The following MCCC1 variants were observed in gnomAD, a reference collection of about 807,000 sequenced individuals.
MCCC1 encodes the protein methylcrotonoyl-CoA carboxylase subunit alpha, mitochondrial.
Under a neutral mutation model 83.8 loss-of-function variants are expected in MCCC1, and 64 were observed. The observed-to-expected ratio is 0.76, with a 90% CI of 0.62 to 0.94. The LOEUF (loss-of-function observed/expected upper bound fraction) is 0.94, where lower values mean the gene tolerates loss of function less well. Among genes scored for constraint, MCCC1 ranks in the 40% least tolerant of loss-of-function variants. The pLI, the probability that MCCC1 is intolerant of heterozygous loss-of-function variation, is 0.00. For missense variants in MCCC1, 807 were observed against 904.7 expected, an observed-to-expected ratio of 0.89 and a Z score of 1.39; for synonymous variants, 322 against 315.4, an observed-to-expected ratio of 1.02 and a Z score of -0.22.
At position 183,098,983 on chromosome 3, in the gene MCCC1, C is replaced by A. The variant is rs1718942102; in HGVS notation, c.89+369G>T. ...AAGTCGTTGATCCCTTTGGGCTTCC[C>A]CGGAACCGGATTATAACAACGCTCC... On this transcript the variant is annotated intron_variant, in intron 1 of 18. Coordinates refer to ENST00000265594, the MANE Select transcript of MCCC1 (RefSeq NM_020166.5). 1.3e-5 allele frequency: 5 copies of A among 385,840 alleles called. No homozygotes were observed. The East Asian group carries it at 2.6e-4, about 20-fold the overall frequency. The allele number at this position is 385,840 out of a possible 1,614,324, so 23.9% of individuals were successfully genotyped here.
At chr3:183,030,674 G>A (rs376811136) in intron 14 of MCCC1, among the ~76,000 whole-genome samples, 10 of 152,270 alleles carry the variant, frequency 6.6e-5, no homozygotes, top group South Asian at 2.1e-4. Flanking sequence ...TCCAGGGCCC[G>A]CACTCTTGAC....
rs1028106435 is a variant in MCCC1 at position 183,027,071 on chromosome 3, TA to T, written c.1682-1268del. ...ACATTTTTGTAATTCTTACAATATT[TA>T]AAACTTTTAAATTATTATATCTGTG... On this transcript the variant is annotated intron_variant, in intron 14 of 18. Transcript: ENST00000265594. 5.9e-5 allele frequency among the ~76,000 whole-genome samples: 9 copies of T among 152,342 alleles called. No homozygotes were observed. In the South Asian group the frequency reaches 1.7e-3, roughly 28 times the overall value.
At chr3:183,103,697 G>A (rs1222223327), upstream of MCCC1, among the ~76,000 whole-genome samples, 2 of 152,236 alleles carry the variant, frequency 1.3e-5, no homozygotes, top group Admixed American at 1.3e-4. Flanking sequence ...AGTGGGTCCG[G>A]CACTGGGGCT....
At chr3:183,034,223 G>A in intron 13 of MCCC1, 146 bp from the exon 14 acceptor site, 1 of 618,350 alleles carries the variant, frequency 1.6e-6, no homozygotes, top group South Asian at 1.7e-5. Flanking sequence ...GGCCAAGGCG[G>A]GCGGATCATG....
intron 11 of MCCC1, among the ~76,000 whole-genome samples, chr3:183,041,073 T>C (rs2108477936): frequency 6.6e-6 from 1 of 152,352 alleles, no homozygotes; most frequent in Non-Finnish European, 1.5e-5. Context: ...TGCCTGTAAG[T>C]AGGAAGTCCT....
In MCCC1 at chr3:183,053,643, A is replaced by G. The variant is rs562333333; in HGVS notation, c.874-1403T>C. Among the ~76,000 whole-genome samples, 119 of 150,598 alleles carry G rather than the reference A, an allele frequency of 7.9e-4. No individual in the cohort carries two copies. In the Middle Eastern group the frequency reaches 0.017, roughly 22 times the overall value. On this transcript the variant is annotated intron_variant, in intron 8 of 18. Coordinates refer to ENST00000265594, the MANE Select transcript of MCCC1 (RefSeq NM_020166.5). ...AACATAGTGAAACCCCGTCTCTACT[A>G]AAAATACAAAAATTAGCCGGGTGTG...
In MCCC1 at chr3:183,037,336, GTGTTGAGGGA is replaced by G; in HGVS notation, c.1466_1475del (p.Ile489ThrfsTer31). ...TCCGACTGAGCAACAACTGTTTGTG[GTGTTGAGGGA>G]TGAAATCAGTGTGCACGTTCCCAGC... On this transcript the variant is annotated frameshift_variant, in exon 13 of 19. Transcript: ENST00000265594. LOFTEE classifies it high-confidence loss of function. The G allele has an allele frequency of 6.2e-7, 1 of 1,614,140 alleles. No homozygotes were observed. Among genetic ancestry groups the G allele is most frequent in the Non-Finnish European group, 8.5e-7 (1 of 1,180,036 alleles).
rs770485422 is a variant in MCCC1 at position 183,086,738 on chromosome 3, T to C, written c.324A>G (p.Leu108=). ...IGPAPSQQSY[L]SMEKIIQVAK... ...CCACTTGAATGATTTTCTCCATAGA[T>C]AGGTAGCTCTGCTGGGAGGGAGCGG... Residue 108 remains leucine (L), a synonymous_variant, in exon 4 of 19, where the codon CTA becomes CTG. Transcript: ENST00000265594. 1.2e-6 allele frequency: 2 copies of C among 1,614,170 alleles called. No individual in the cohort carries two copies. Among genetic ancestry groups the C allele is most frequent in the Middle Eastern group, 1.6e-4 (1 of 6,062 alleles).
At chr3:183,065,633 A>AT (rs35330892) in intron 7 of MCCC1, among the ~76,000 whole-genome samples, 135,934 of 151,916 alleles carry the variant, frequency 0.89, 61,201 homozygotes, top group East Asian at 1. Flanking sequence ...AGGAATGTGG[A>AT]TTTTTTTTGT....
intron 1 of MCCC1, among the ~76,000 whole-genome samples, chr3:183,113,434 A>C: frequency 1.5e-5 from 2 of 137,670 alleles, no homozygotes; most frequent in South Asian, 2.7e-4. Context: ...GGGAGGGGGG[A>C]CGGATAGCAT....
intron 1 of MCCC1, among the ~76,000 whole-genome samples, chr3:183,105,988 T>C (rs1577383937): frequency 2.0e-5 from 3 of 147,832 alleles, no homozygotes; most frequent in African/African-American, 7.4e-5. Flanking sequence ...ACTCAGGAGG[T>C]TGAAGCAGGA....
chr3:183,102,758 GTTTTTTTTTTTTTTTTTTTTTTTTTTT>G (rs566199257), upstream of MCCC1, among the ~76,000 whole-genome samples: 64 of 52,222 alleles, frequency 1.2e-3, no homozygotes, highest in East Asian at 3.8e-3. Flanking sequence ...AGCAGAGAAA[GTTTTTTTTTTTTTTTTTTTTTTTTTTT>G]TTTTTTTTTT....
At chr3:183,053,877 A>ATTTTT (rs1318142804) in intron 8 of MCCC1, among the ~76,000 whole-genome samples, 51 of 138,572 alleles carry the variant, frequency 3.7e-4, no homozygotes, top group African/African-American at 1.3e-3. Flanking sequence ...GCTATAAAGA[A>ATTTTT]TTTTTTTTTT....
chr3:183,080,237 T>A (rs1177661099), intron 4 of MCCC1, among the ~76,000 whole-genome samples: 2 of 152,230 alleles, frequency 1.3e-5, no homozygotes, highest in Non-Finnish European at 2.9e-5. Flanking sequence ...CTGCACATTT[T>A]CTGAACTTTT....
At chr3:183,099,058 C>T in intron 1 of MCCC1, 6 of 553,126 alleles carry the variant, frequency 1.1e-5, no homozygotes, top group South Asian at 2.1e-5. Flanking sequence ...CGAGCTGCAG[C>T]GACGGCGAGG....
Position 183,064,568 on chromosome 3 carries a change from T to C in MCCC1, c.761+6431A>G, listed in dbSNP as rs1387601076. Among the ~76,000 whole-genome samples, 3 of 152,154 alleles carry C rather than the reference T, an allele frequency of 2.0e-5. No homozygotes were observed. The highest frequency in any genetic ancestry group is 1.5e-5 in the Non-Finnish European group (1 of 68,010). On this transcript the variant is annotated intron_variant, in intron 7 of 18. Coordinates refer to ENST00000265594, the MANE Select transcript of MCCC1 (RefSeq NM_020166.5). The surrounding 1 kb of genome is among the most constrained non-coding windows in gnomAD (Gnocchi z 4.5). ...CACCAGCACGGGCCAGGCGCACAAG[T>C]GCAGCACCAGCGGGCTGCACGCCAG... is the stretch of plus-strand genomic sequence containing the variant.
chr3:183,034,829 G>A (rs1233536223), intron 13 of MCCC1, among the ~76,000 whole-genome samples: 2 of 150,562 alleles, frequency 1.3e-5, no homozygotes, highest in African/African-American at 4.9e-5. Context: ...CCAGGATGGA[G>A]TGCAGTGGCA....
intron 9 of MCCC1, among the ~76,000 whole-genome samples, chr3:183,048,361 C>T (rs985673252): frequency 2.0e-5 from 3 of 152,058 alleles, no homozygotes; most frequent in African/African-American, 4.8e-5. Context: ...GATTAAAAAA[C>T]AAAAGACAAA....
At chr3:183,062,976 C>A (rs1715960844) in intron 7 of MCCC1, among the ~76,000 whole-genome samples, 1 of 151,950 alleles carries the variant, frequency 6.6e-6, no homozygotes. Flanking sequence ...CTAACATATC[C>A]ATTTTCCTAT....
Sources: gnomAD v4.1 joint callset for allele counts (sites outside exome capture counted in the v4.1 genomes callset) on GRCh38, gnomAD v4.1.1 for gene constraint, Gnocchi (gnomAD v3.1) non-coding constraint, MANE v1.5 for transcripts, NCBI Gene and HGNC (gene_info 2026-07-23, HGNC 2026-07-21) for gene names.